The following C10orf90 variants were observed in gnomAD, a reference collection of about 807,000 sequenced individuals.
C10orf90 encodes chromosome 10 open reading frame 90, also known as (E2-independent) E3 ubiquitin-conjugating enzyme FATS.
In C10orf90, 56 loss-of-function variants were observed where a neutral mutation model predicts 62.5. The observed-to-expected ratio is 0.90, with a 90% CI of 0.72 to 1.12. C10orf90 has a LOEUF of 1.12. Among genes scored for constraint, C10orf90 ranks in the 50% most tolerant of loss-of-function variants. The pLI, the probability that C10orf90 is intolerant of heterozygous loss-of-function variation, is 0.00. For synonymous variants in C10orf90, 386 were observed against 340.4 expected, an observed-to-expected ratio of 1.13 and a Z score of -1.47; for missense variants, 970 against 880.4, an observed-to-expected ratio of 1.10 and a Z score of -1.29.
chr10:126,620,077 A>G (rs1046338888), intron 2 of C10orf90, among the ~76,000 whole-genome samples: 1 of 151,944 alleles, frequency 6.6e-6, no homozygotes, highest in Non-Finnish European at 1.5e-5. Context: ...TCACATTTTT[A>G]TTTTTTTACA....
intron 2 of C10orf90, among the ~76,000 whole-genome samples, chr10:126,523,161 C>A (rs1272822055): frequency 6.6e-6 from 1 of 152,100 alleles, no homozygotes; most frequent in Non-Finnish European, 1.5e-5. Flanking sequence ...AATCTGAGAC[C>A]CCTGGAGTGT....
intron 2 of C10orf90, among the ~76,000 whole-genome samples, chr10:126,609,127 G>A (rs1002416515): frequency 6.6e-6 from 1 of 152,180 alleles, no homozygotes; most frequent in African/African-American, 2.4e-5. Flanking sequence ...ATCAGGCCAG[G>A]CGTGGTGGCT....
At chr10:126,625,713 G>A (rs1294181244) in intron 2 of C10orf90, among the ~76,000 whole-genome samples, 2 of 152,166 alleles carry the variant, frequency 1.3e-5, no homozygotes, top group Non-Finnish European at 2.9e-5. Flanking sequence ...AATTAGTTTG[G>A]GGGCTGAAAT....
chr10:126,547,104 G>A (rs377679000), intron 2 of C10orf90, among the ~76,000 whole-genome samples: 19 of 147,852 alleles, frequency 1.3e-4, no homozygotes, highest in African/African-American at 1.8e-4. Flanking sequence ...GCGAGACTCC[G>A]TCTCCAACCA....
At chr10:126,656,729 G>C (rs1382199996) in intron 1 of C10orf90, among the ~76,000 whole-genome samples, 5 of 152,254 alleles carry the variant, frequency 3.3e-5, no homozygotes, top group African/African-American at 1.2e-4. Flanking sequence ...GAGACTTTTC[G>C]GCTTGTGGAA....
chr10:126,632,198 C>T (rs1194400951), intron 2 of C10orf90, among the ~76,000 whole-genome samples: 2 of 151,928 alleles, frequency 1.3e-5, no homozygotes, highest in Non-Finnish European at 2.9e-5. Flanking sequence ...CTAATGTTGC[C>T]ACACAACCAG....
At chr10:126,660,179 T>G (rs1309318301) in intron 1 of C10orf90, among the ~76,000 whole-genome samples, 7 of 152,254 alleles carry the variant, frequency 4.6e-5, no homozygotes, top group Admixed American at 4.6e-4. Context: ...CTGTCTTTGA[T>G]GGTGAAAAGA....
rs1402485925 is a variant in C10orf90 at position 126,516,372 on chromosome 10, CTG to C, written c.314-2435_314-2434del. Among the ~76,000 whole-genome samples the C allele has an allele frequency of 2.6e-5, 4 of 152,304 alleles. No homozygotes were observed. In the East Asian group the frequency reaches 5.8e-4, roughly 22 times the overall value. ...CCCAAGACCCAGCTGGTTGCTATCA[CTG>C]TGGCATCAGTGGTCAGAAAGCCACT... On this transcript the variant is annotated intron_variant, in intron 2 of 9. Coordinates refer to ENST00000488181, the MANE Select transcript of C10orf90 (RefSeq NM_001350921.2).
chr10:126,568,615 A>G (rs572911254), intron 2 of C10orf90, among the ~76,000 whole-genome samples: 7 of 152,278 alleles, frequency 4.6e-5, no homozygotes, highest in African/African-American at 1.7e-4. Context: ...ATCCTATCAC[A>G]TATTCGTGGG....
At chr10:126,650,282 G>A (rs762644610) in intron 1 of C10orf90, among the ~76,000 whole-genome samples, 4 of 152,152 alleles carry the variant, frequency 2.6e-5, no homozygotes, top group Non-Finnish European at 5.9e-5. Context: ...AGACATTACG[G>A]TGTTATTTAG....
In C10orf90 at chr10:126,453,796, G is replaced by A. The variant is rs1859355960; in HGVS notation, c.2188+5244C>T. Reference sequence around the variant, plus strand: ...ATGAATAAAAAGGCTGGACTTGAGAGGGGCTTGCAAGGTTAGGCAGGATTT... The same window carrying A: ...ATGAATAAAAAGGCTGGACTTGAGAAGGGCTTGCAAGGTTAGGCAGGATTT... On this transcript the variant is annotated intron_variant, in intron 7 of 9. Transcript: ENST00000488181. This position sits in a 1 kb window ranked among gnomAD's most constrained non-coding sequence, Gnocchi z 4.9. Among the ~76,000 whole-genome samples, 1 of 152,164 alleles carries A rather than the reference G, an allele frequency of 6.6e-6. No individual in the cohort carries two copies. Among genetic ancestry groups the A allele is most frequent in the Non-Finnish European group, 1.5e-5 (1 of 68,030 alleles).
chr10:126,619,861 G>A (rs528801058), intron 2 of C10orf90, among the ~76,000 whole-genome samples: 3 of 152,122 alleles, frequency 2.0e-5, no homozygotes, highest in South Asian at 4.2e-4. Context: ...AGCTGGACTC[G>A]AGCTCCTGGG....
At chr10:126,623,840 C>CAA (rs34974050) in intron 2 of C10orf90, among the ~76,000 whole-genome samples, 1,010 of 19,474 alleles carry the variant, frequency 0.052, 15 homozygotes, top group African/African-American at 0.12. Context: ...GACTCCATCT[C>CAA]AAAAAAAAAA....
At chr10:126,512,249 G>C (rs1273398998) in intron 3 of C10orf90, 1 of 143,660 alleles carries the variant, frequency 7.0e-6, no homozygotes, top group African/African-American at 2.6e-5. Flanking sequence ...CCAAGCATGA[G>C]AGCGAAAGGG....
chr10:126,458,867 GC>G (rs995048362), intron 7 of C10orf90, among the ~76,000 whole-genome samples, 172 bp downstream of exon 7: 1 of 152,166 alleles, frequency 6.6e-6, no homozygotes, highest in African/African-American at 2.4e-5. Context: ...CTCAAAATGG[GC>G]TGGCTCCAAG....
chr10:126,609,510 C>T (rs1845386251), intron 2 of C10orf90, among the ~76,000 whole-genome samples: 1 of 152,238 alleles, frequency 6.6e-6, no homozygotes. Flanking sequence ...TGTTGAGTAT[C>T]TAATTGCCAG....
intron 2 of C10orf90, among the ~76,000 whole-genome samples, chr10:126,565,589 G>A (rs951114169): frequency 2.0e-4 from 30 of 150,466 alleles, no homozygotes; most frequent in Non-Finnish European, 2.7e-4. Flanking sequence ...CCAGTGAAAC[G>A]AGAAACTTCG....
intron 1 of C10orf90, among the ~76,000 whole-genome samples, chr10:126,653,598 C>T (rs993008243): frequency 2.6e-5 from 4 of 152,172 alleles, no homozygotes; most frequent in Admixed American, 1.3e-4. Context: ...ACTGAAGTCT[C>T]GAACCCCTCA....
intron 2 of C10orf90, among the ~76,000 whole-genome samples, chr10:126,605,359 C>G (rs1327779936): frequency 6.6e-6 from 1 of 152,152 alleles, no homozygotes; most frequent in African/African-American, 2.4e-5. Context: ...CAGCTACAGG[C>G]CTGTGGGGAG....
Sources: gnomAD v4.1 joint callset for allele counts (sites outside exome capture counted in the v4.1 genomes callset) on GRCh38, gnomAD v4.1.1 for gene constraint, Gnocchi (gnomAD v3.1) non-coding constraint, MANE v1.5 for transcripts, NCBI Gene and HGNC (gene_info 2026-07-23, HGNC 2026-07-21) for gene names.